The following MCM5 variants were observed in gnomAD, a reference collection of about 807,000 sequenced individuals.
MCM5 encodes the protein minichromosome maintenance complex component 5.
MCM5 carries 46 observed loss-of-function variants against 79.9 expected under a neutral mutation model. That is an observed-to-expected ratio of 0.58 (90% CI 0.45 to 0.74). The LOEUF is 0.74. MCM5 is among the 30% of genes least tolerant of loss of function. The pLI, the probability that MCM5 is intolerant of heterozygous loss-of-function variation, is 0.00. For missense variants in MCM5, 883 were observed against 1,017.0 expected (o/e 0.87, Z 1.79); for synonymous variants, 404 against 390.5 (o/e 1.03, Z -0.41).
the MCM5 span, among the ~76,000 whole-genome samples, chr22:35,444,624 C>T: frequency 2.6e-5 from 4 of 152,130 alleles, no homozygotes; most frequent in South Asian, 4.1e-4. Flanking sequence ...GGGAAGCTGC[C>T]CTGCTGGCCT....
At chr22:35,417,599 G>C in intron 12 of MCM5, 145 bp from the exon 13 acceptor site, 1 of 661,610 alleles carries the variant, frequency 1.5e-6, no homozygotes, top group Non-Finnish European at 2.7e-6. Flanking sequence ...TGAGCAAACA[G>C]GCTGAGCACG....
intron 2 of MCM5, 106 bp downstream of exon 2, chr22:35,400,711 G>C: frequency 7.8e-7 from 1 of 1,275,786 alleles, no homozygotes; most frequent in Non-Finnish European, 1.1e-6. Context: ...GGGCCCAGAC[G>C]GGGGAAAGAG....
chr22:35,446,562 G>A, the MCM5 span, among the ~76,000 whole-genome samples: 87 of 152,242 alleles, frequency 5.7e-4, no homozygotes, highest in African/African-American at 1.8e-3. Flanking sequence ...CGTGGGCGAG[G>A]CAGACAAGAA....
At position 35,421,550 on chromosome 22, in the gene MCM5, CA is replaced by C. The variant is rs746296181; in HGVS notation, c.1975+91del. The C allele has an allele frequency of 4.5e-6, 7 of 1,559,542 alleles. No homozygotes were observed. In the Admixed American group the frequency reaches 1.0e-4, roughly 22 times the overall value. The stretch of plus-strand genomic sequence containing the variant: ...AGGGCTCTGGCCTGCTGGGGGCCTG[CA>C]GTGTGTGTCTTGCTTCTCTGAGTTT... On this transcript the variant is annotated intron_variant, in intron 15 of 16. Coordinates refer to ENST00000216122, the MANE Select transcript of MCM5 (RefSeq NM_006739.4).
At chr22:35,428,831 T>C (rs2413348), downstream of MCM5, among the ~76,000 whole-genome samples, 85,127 of 151,794 alleles carry the variant, frequency 0.56, 27,027 homozygotes, top group Non-Finnish European at 0.71. Context: ...TCTGGAATCC[T>C]CCAGCTCTGG....
rs781657556 is a variant in MCM5, at chr22:35,408,574, C to G, written c.752+11C>G. Reference sequence around the variant, plus strand: ...GCTCTACTGCGACAGGTGAGGCAGACGGGCTGGGAGGTGGGCATCTACGAC... The same window carrying G: ...GCTCTACTGCGACAGGTGAGGCAGAGGGGCTGGGAGGTGGGCATCTACGAC... On this transcript the variant is annotated intron_variant, in intron 6 of 16. Coordinates refer to ENST00000216122, the MANE Select transcript of MCM5 (RefSeq NM_006739.4). 22 of 1,599,578 alleles carry G rather than the reference C, an allele frequency of 1.4e-5. No individual in the cohort carries two copies. The highest frequency in any genetic ancestry group is 1.9e-5 in the Non-Finnish European group (22 of 1,168,596).
At chr22:35,422,314 T>C (rs1320497351) in intron 15 of MCM5, 1 of 152,856 alleles carries the variant, frequency 6.5e-6, no homozygotes, top group Non-Finnish European at 1.5e-5. Flanking sequence ...TGAGTGGGCA[T>C]GGCCTCTGCA....
chr22:35,434,967 C>T, the MCM5 span, among the ~76,000 whole-genome samples: 452 of 152,184 alleles, frequency 3.0e-3, 2 homozygotes, highest in East Asian at 0.026. Context: ...GCCTGGCCAA[C>T]GTGGCAAAAC....
the MCM5 span, among the ~76,000 whole-genome samples, chr22:35,449,166 G>A: frequency 6.6e-6 from 1 of 152,188 alleles, no homozygotes; most frequent in African/African-American, 2.4e-5. Context: ...GACTCCCTGA[G>A]GCGTCTGCTT....
chr22:35,424,114 C>T (rs745660177), intron 16 of MCM5, 40 bp from the exon 17 acceptor site: 12 of 1,384,898 alleles, frequency 8.7e-6, no homozygotes, highest in South Asian at 5.0e-5. Flanking sequence ...GGAGTCCCCT[C>T]GGGCAGCACG....
intron 2 of MCM5, chr22:35,401,481 TG>T (rs1452084673): frequency 2.1e-6 from 1 of 469,982 alleles, no homozygotes; most frequent in Non-Finnish European, 4.4e-6. Context: ...TTGTACGACC[TG>T]TGACATCATG....
chr22:35,444,702 G>A, the MCM5 span, among the ~76,000 whole-genome samples: 2 of 152,228 alleles, frequency 1.3e-5, no homozygotes, highest in African/African-American at 2.4e-5. Context: ...TTATGGCAGT[G>A]ATAAGCATCA....
intron 9 of MCM5, among the ~76,000 whole-genome samples, chr22:35,414,830 G>A (rs561025276): frequency 6.6e-6 from 1 of 152,242 alleles, no homozygotes; most frequent in Non-Finnish European, 1.5e-5. Flanking sequence ...AGCAGGATGT[G>A]ATTGAACCCA....
chr22:35,426,358 G>C (rs959058663), downstream of MCM5, among the ~76,000 whole-genome samples: 1 of 152,160 alleles, frequency 6.6e-6, no homozygotes, highest in African/African-American at 2.4e-5. Flanking sequence ...AGTAATAGTT[G>C]GGGCTCGGCT....
chr22:35,451,757 G>A, the MCM5 span, among the ~76,000 whole-genome samples: 2 of 152,238 alleles, frequency 1.3e-5, no homozygotes, highest in Non-Finnish European at 2.9e-5. Context: ...TGTTAGCAGC[G>A]GTTCCTGAGT....
the MCM5 span, among the ~76,000 whole-genome samples, chr22:35,431,975 G>A: frequency 5.9e-5 from 9 of 152,326 alleles, no homozygotes; most frequent in South Asian, 2.1e-4. Context: ...CAGAAGGAAC[G>A]TGGTGGCATT....
At chr22:35,407,232 C>T (rs1344999208) in intron 5 of MCM5, among the ~76,000 whole-genome samples, 4 of 152,200 alleles carry the variant, frequency 2.6e-5, no homozygotes, top group Non-Finnish European at 5.9e-5. Context: ...ACCCCACCCT[C>T]TTCACTGGCT....
intron 15 of MCM5, chr22:35,422,513 G>A (rs1471906318): frequency 6.6e-6 from 1 of 152,396 alleles, no homozygotes; most frequent in African/African-American, 2.4e-5. Flanking sequence ...CCCCCTTGGT[G>A]AAGACTCAGC....
At chr22:35,428,076 A>T (rs148293274), downstream of MCM5, among the ~76,000 whole-genome samples, 6 of 144,208 alleles carry the variant, frequency 4.2e-5, no homozygotes, top group Non-Finnish European at 9.0e-5. Context: ...GCTGGAGTGC[A>T]TTGGCGCGAT....
Sources: gnomAD v4.1 joint callset for allele counts (sites outside exome capture counted in the v4.1 genomes callset) on GRCh38, gnomAD v4.1.1 for gene constraint, MANE v1.5 for transcripts, NCBI Gene and HGNC (gene_info 2026-07-23, HGNC 2026-07-21) for gene names.